The following MGST2 variants were observed in gnomAD, a reference collection of about 807,000 sequenced individuals.
MGST2 encodes microsomal glutathione S-transferase 2, also known as glutathione peroxidase MGST2.
A neutral mutation model predicts 16.6 loss-of-function variants in MGST2; 9 were observed. That is an observed-to-expected ratio of 0.54 (90% CI 0.33 to 0.95). The LOEUF (loss-of-function observed/expected upper bound fraction) is 0.95, where lower values mean the gene tolerates loss of function less well. Among genes scored for constraint, MGST2 ranks in the 40% least tolerant of loss-of-function variants. The pLI, the probability that MGST2 is intolerant of heterozygous loss-of-function variation, is 0.03. For synonymous variants in MGST2, 79 were observed against 68.0 expected, an observed-to-expected ratio of 1.16 and a Z score of -0.79; for missense variants, 159 against 175.1, an observed-to-expected ratio of 0.91 and a Z score of 0.52.
chr4:139,677,214 TAAGGACATGCCCGTGACATAA>T (rs1305481985), intron 1 of MGST2, among the ~76,000 whole-genome samples: 206 of 152,260 alleles, frequency 1.4e-3, no homozygotes, highest in African/African-American at 4.4e-3. Flanking sequence ...TTGTCAAGGT[TAAGGACATGCCCGTGACATAA>T]AAGGACATGC....
chr4:139,750,019 G>A, the MGST2 span, among the ~76,000 whole-genome samples: 1 of 152,138 alleles, frequency 6.6e-6, no homozygotes, highest in African/African-American at 2.4e-5. Flanking sequence ...TAGAGTGACA[G>A]TGAATTTGAT....
chr4:139,725,017 C>T (rs751647322), intron 5 of MGST2, among the ~76,000 whole-genome samples: 1 of 152,132 alleles, frequency 6.6e-6, no homozygotes, highest in Non-Finnish European at 1.5e-5. Flanking sequence ...CCTCAGCCTC[C>T]CAAAGTGCTA....
intron 1 of MGST2, among the ~76,000 whole-genome samples, chr4:139,677,201 A>T (rs1406152143): frequency 6.6e-6 from 1 of 152,166 alleles, no homozygotes; most frequent in Non-Finnish European, 1.5e-5. Context: ...TAGAAAGTTT[A>T]TTTTGTCAAG....
chr4:139,680,880 A>G (rs947366892), intron 2 of MGST2, among the ~76,000 whole-genome samples: 1 of 152,122 alleles, frequency 6.6e-6, no homozygotes, highest in Non-Finnish European at 1.5e-5. Context: ...TTTGGAAACT[A>G]TGGAAGCTTC....
At chr4:139,668,266 G>T (rs1281391661) in intron 1 of MGST2, among the ~76,000 whole-genome samples, 2 of 152,154 alleles carry the variant, frequency 1.3e-5, no homozygotes, top group African/African-American at 4.8e-5. Context: ...AGGTAGCAGC[G>T]TTTGGAGAGA....
At chr4:139,732,128 C>CT (rs1409880095) in intron 5 of MGST2, among the ~76,000 whole-genome samples, 1 of 152,202 alleles carries the variant, frequency 6.6e-6, no homozygotes, top group Non-Finnish European at 1.5e-5. Context: ...GTGAATAACT[C>CT]TGTCATTTAA....
Position 139,703,446 on chromosome 4 carries a change from C to T in MGST2, c.230-9C>T. The T allele has an allele frequency of 6.2e-7, 1 of 1,612,376 alleles. No homozygotes were observed. Among genetic ancestry groups the T allele is most frequent in the South Asian group, 1.1e-5 (1 of 91,030 alleles). On this transcript the variant is annotated splice_polypyrimidine_tract_variant and intron_variant, in intron 3 of 4. Coordinates refer to ENST00000265498, the MANE Select transcript of MGST2 (RefSeq NM_002413.5). The stretch of plus-strand genomic sequence containing the variant: ...GTGCCTTTTCTTTTTTTTTCCCACC[C>T]CCCTATAGTTTTTGCTACTTGTCTG...
At chr4:139,707,494 T>C (rs1421200855), downstream of MGST2, among the ~76,000 whole-genome samples, 1 of 152,180 alleles carries the variant, frequency 6.6e-6, no homozygotes, top group Non-Finnish European at 1.5e-5. Flanking sequence ...CTATTGTGAA[T>C]AATGCCGCAA....
chr4:139,687,345 C>A (rs1311216254), intron 2 of MGST2, among the ~76,000 whole-genome samples: 1 of 152,162 alleles, frequency 6.6e-6, no homozygotes, highest in Non-Finnish European at 1.5e-5. Context: ...GATTCTAAGG[C>A]GTAGGATAAA....
chr4:139,690,177 A>G (rs779805979), intron 2 of MGST2, among the ~76,000 whole-genome samples: 4 of 152,150 alleles, frequency 2.6e-5, no homozygotes, highest in Non-Finnish European at 5.9e-5. Context: ...TTTGTAATAG[A>G]GTCAGGGTTT....
the MGST2 span, among the ~76,000 whole-genome samples, chr4:139,752,077 T>G: frequency 6.6e-6 from 1 of 152,190 alleles, no homozygotes; most frequent in Non-Finnish European, 1.5e-5. Context: ...GGGATTCGAA[T>G]TCTAACTTTC....
At chr4:139,725,829 G>C (rs768461519) in intron 5 of MGST2, 3 of 1,613,662 alleles carry the variant, frequency 1.9e-6, no homozygotes, top group Non-Finnish European at 2.5e-6. Flanking sequence ...TGTGATTGCT[G>C]CAACTGCTAG....
chr4:139,731,110 G>T, intron 5 of MGST2: 1 of 165,850 alleles, frequency 6.0e-6, no homozygotes, highest in Non-Finnish European at 1.3e-5. Flanking sequence ...GCAAGTAGGA[G>T]GGACATTTGC....
At chr4:139,692,446 A>G (rs1726664233) in intron 2 of MGST2, among the ~76,000 whole-genome samples, 1 of 152,208 alleles carries the variant, frequency 6.6e-6, no homozygotes, top group Non-Finnish European at 1.5e-5. Flanking sequence ...CCTGCTCCCC[A>G]GTCCTCTGTG....
intron 1 of MGST2, among the ~76,000 whole-genome samples, chr4:139,670,345 G>A (rs1579284977): frequency 6.6e-6 from 1 of 152,166 alleles, no homozygotes; most frequent in South Asian, 2.1e-4. Flanking sequence ...ACCATGGCTC[G>A]GAGAAAACAC....
chr4:139,730,965 C>T (rs1728683574), intron 5 of MGST2: 2 of 395,350 alleles, frequency 5.1e-6, no homozygotes, highest in East Asian at 4.1e-5. Context: ...CAACTAACAT[C>T]CTGTGTTCCT....
chr4:139,721,276 T>C (rs1196013846), intron 5 of MGST2, among the ~76,000 whole-genome samples: 1 of 152,152 alleles, frequency 6.6e-6, no homozygotes, highest in Non-Finnish European at 1.5e-5. Context: ...CCAGGAAATT[T>C]CCAAACAGCC....
At position 139,703,539 on chromosome 4, in the gene MGST2, A is replaced by T. The variant is rs779927568; in HGVS notation, c.311+3A>T. The T allele has an allele frequency of 2.5e-6, 4 of 1,613,134 alleles. No homozygotes were observed. In the East Asian group the frequency reaches 8.9e-5, roughly 36 times the overall value. On this transcript the variant is annotated splice_donor_region_variant and intron_variant, in intron 4 of 4. Transcript: ENST00000265498. Reference sequence around the variant, plus strand: ...TATTCAGAAGCTGCTAAAAAACGGTAAGGAGAACCCAGTAATTTTGTATTT... The same window carrying T: ...TATTCAGAAGCTGCTAAAAAACGGTTAGGAGAACCCAGTAATTTTGTATTT...
At chr4:139,685,959 C>T (rs1731538524) in intron 2 of MGST2, among the ~76,000 whole-genome samples, 1 of 152,218 alleles carries the variant, frequency 6.6e-6, no homozygotes, top group Non-Finnish European at 1.5e-5. Context: ...CCACCACACC[C>T]AGCCTGAAGA....
Sources: allele counts gnomAD v4.1 joint callset (sites outside exome capture counted in the v4.1 genomes callset), GRCh38; gene constraint gnomAD v4.1.1; transcripts MANE v1.5; gene names NCBI Gene and HGNC (gene_info 2026-07-23, HGNC 2026-07-21).